LNPEP: variants seen among roughly 807,000 people sequenced by gnomAD.
LNPEP encodes leucyl-cystinyl aminopeptidase.
Under a neutral mutation model 120.6 loss-of-function variants are expected in LNPEP, and 64 were observed. The ratio of observed to expected loss-of-function variants is 0.53; its 90% CI spans 0.43 to 0.65. LNPEP has a LOEUF of 0.65. Among genes scored for constraint, LNPEP ranks in the 30% least tolerant of loss-of-function variants. The pLI, the probability that LNPEP is intolerant of heterozygous loss-of-function variation, is 0.00. For synonymous variants in LNPEP, 435 were observed against 425.4 expected (o/e 1.02, Z -0.28); for missense variants, 1,057 against 1,200.0 (o/e 0.88, Z 1.76).
intron 16 of LNPEP, among the ~76,000 whole-genome samples, chr5:97,027,480 G>A (rs1791372029): frequency 6.6e-6 from 1 of 152,028 alleles, no homozygotes; most frequent in African/African-American, 2.4e-5. Context: ...TGGCATTTCT[G>A]GGTGTACAGT....
chr5:96,947,691 C>A (rs926447114), intron 1 of LNPEP, among the ~76,000 whole-genome samples: 3 of 151,862 alleles, frequency 2.0e-5, no homozygotes, highest in Admixed American at 2.0e-4. Context: ...AGTAGAACTC[C>A]GTGGTTATTA....
rs375767683 is a variant in LNPEP, at chr5:97,026,699, C to T, written c.2806C>T (p.Pro936Ser). Reference protein sequence around the residue: ...FIIRTVGRHFPGHLLAWDFVK... With the variant: ...FIIRTVGRHFSGHLLAWDFVK... Reference sequence around the variant, plus strand: ...CATTAGAACAGTGGGTCGACATTTTCCTGGACACTTACTGGCATGGGATTT... The same window carrying T: ...CATTAGAACAGTGGGTCGACATTTTTCTGGACACTTACTGGCATGGGATTT... Residue 936 changes from proline (P) to serine (S), a missense_variant, in exon 16 of 18, where the codon CCT (proline) becomes TCT (serine). Physicochemically the swap from Pro to Ser is moderately conservative, Grantham distance 74. Transcript: ENST00000231368. 8.7e-6 allele frequency: 14 copies of T among 1,613,158 alleles called. No individual in the cohort carries two copies. The African/African-American group carries it at 1.9e-4, about 22-fold the overall frequency.
chr5:97,006,300 T>C, intron 10 of LNPEP, 67 bp downstream of exon 10: 1 of 1,422,370 alleles, frequency 7.0e-7, no homozygotes, highest in East Asian at 2.3e-5. Flanking sequence ...TTTAAGTGTT[T>C]TATAATCATA....
intron 1 of LNPEP, among the ~76,000 whole-genome samples, chr5:96,948,397 C>T (rs558753919): frequency 4.3e-4 from 65 of 152,334 alleles, no homozygotes; most frequent in African/African-American, 1.3e-3. Context: ...GGATTACAGG[C>T]GTGAGCCACC....
rs538138802 is a variant in LNPEP, at chr5:97,025,828, T to G, written c.2724-789T>G. ...GCCTGCTTTATATATAAAAAAAAAC[T>G]AAAGTGTTTTATGGGTTCATAATAT... is the stretch of plus-strand genomic sequence containing the variant. On this transcript the variant is annotated intron_variant, in intron 15 of 17. Transcript: ENST00000231368. Among the ~76,000 whole-genome samples, 855 of 151,694 alleles carry G rather than the reference T, an allele frequency of 5.6e-3. 8 individuals are homozygous for G. The highest frequency in any genetic ancestry group is 0.02 in the African/African-American group (817 of 41,460).
chr5:96,983,843 A>G lies in LNPEP; in HGVS notation c.861-1237A>G, dbSNP rs189585732. Among the ~76,000 whole-genome samples, 130 of 152,306 alleles carry G rather than the reference A, an allele frequency of 8.5e-4. 1 individual carries two copies. The highest frequency in any genetic ancestry group is 1.5e-3 in the Non-Finnish European group (105 of 68,034). On this transcript the variant is annotated intron_variant, in intron 2 of 17. Coordinates refer to ENST00000231368, the MANE Select transcript of LNPEP (RefSeq NM_005575.3). Reference sequence around the variant, plus strand: ...TTTTAATCTCTGAGGCGAGTAAAGGAAACCAGAATACTACAGGACACCTAA... The same window carrying G: ...TTTTAATCTCTGAGGCGAGTAAAGGGAACCAGAATACTACAGGACACCTAA...
chr5:97,000,124 G>A (rs987875957), intron 8 of LNPEP, among the ~76,000 whole-genome samples: 3 of 152,144 alleles, frequency 2.0e-5, no homozygotes, highest in Non-Finnish European at 4.4e-5. Flanking sequence ...GAATGAATAA[G>A]TAGGTATTGT....
At chr5:97,011,006 C>A (rs1005646466) in intron 11 of LNPEP, 2 of 985,340 alleles carry the variant, frequency 2.0e-6, no homozygotes, top group Admixed American at 1.2e-4. Context: ...GTAATAATTT[C>A]AAGTATATTC....
At chr5:96,953,231 T>C (rs1390125041) in intron 1 of LNPEP, among the ~76,000 whole-genome samples, 1 of 152,178 alleles carries the variant, frequency 6.6e-6, no homozygotes, top group Non-Finnish European at 1.5e-5. Context: ...ACACACTGAT[T>C]TTCATCCAGG....
At position 97,014,925 on chromosome 5, in the gene LNPEP, CT is replaced by C; in HGVS notation, c.2220-10del. On this transcript the variant is annotated splice_polypyrimidine_tract_variant and intron_variant, in intron 12 of 17. Coordinates refer to ENST00000231368, the MANE Select transcript of LNPEP (RefSeq NM_005575.3). ...TCTCTGCATATTTACTTTTCCTGTT[CT>C]TTTATCCTTTAGCCTAGGCAAGGTA... 1 of 1,506,540 alleles carries C rather than the reference CT, an allele frequency of 6.6e-7. No individual in the cohort carries two copies. The allele number at this position is 1,506,540 out of a possible 1,614,324, so 93.3% of individuals were successfully genotyped here.
chr5:96,945,834 T>C (rs1789174078), intron 1 of LNPEP, among the ~76,000 whole-genome samples: 1 of 152,204 alleles, frequency 6.6e-6, no homozygotes, highest in African/African-American at 2.4e-5. Context: ...ACAAAATCAT[T>C]CCAAGATCCT....
At chr5:96,937,064 G>A (rs1788918315) in intron 1 of LNPEP, 1 of 152,216 alleles carries the variant, frequency 6.6e-6, no homozygotes, top group Non-Finnish European at 1.5e-5. Context: ...TCCCTTTTAA[G>A]ATAGAAAGTA....
chr5:96,997,477 G>A (rs569501284), intron 7 of LNPEP, among the ~76,000 whole-genome samples: 116 of 152,166 alleles, frequency 7.6e-4, no homozygotes, highest in South Asian at 4.1e-3. Flanking sequence ...GTGTAAAAAG[G>A]TCTAATACAT....
intron 1 of LNPEP, among the ~76,000 whole-genome samples, chr5:96,974,550 G>A (rs1789943663): frequency 2.0e-5 from 3 of 152,022 alleles, no homozygotes; most frequent in Admixed American, 2.0e-4. Context: ...ACAGACAAAT[G>A]AAAAACAAAA....
intron 13 of LNPEP, among the ~76,000 whole-genome samples, chr5:97,016,696 T>C (rs1271103580): frequency 6.6e-6 from 1 of 152,194 alleles, no homozygotes; most frequent in Non-Finnish European, 1.5e-5. Flanking sequence ...CACATCTAGT[T>C]GTTCTCCTAA....
At chr5:96,941,864 G>A (rs554512106) in intron 1 of LNPEP, among the ~76,000 whole-genome samples, 1 of 152,332 alleles carries the variant, frequency 6.6e-6, no homozygotes, top group African/African-American at 2.4e-5. Context: ...TGTGGAGATT[G>A]GGGGTAAAGG....
intron 1 of LNPEP, among the ~76,000 whole-genome samples, chr5:96,959,925 A>G (rs918302781): frequency 1.3e-5 from 2 of 151,302 alleles, no homozygotes. Flanking sequence ...ACTACTTTTA[A>G]AATTTATCTT....
chr5:96,939,019 T>C (rs962915425), intron 1 of LNPEP, among the ~76,000 whole-genome samples: 28 of 152,088 alleles, frequency 1.8e-4, no homozygotes, highest in Non-Finnish European at 3.2e-4. Context: ...ACTATCTGCT[T>C]TTTTGGTTAG....
chr5:96,951,203 C>T (rs1235592311), intron 1 of LNPEP, among the ~76,000 whole-genome samples: 2 of 149,290 alleles, frequency 1.3e-5, no homozygotes, highest in Non-Finnish European at 3.0e-5. Context: ...TAATTACCAT[C>T]TTAAAAGCCC....
Sources: allele counts gnomAD v4.1 joint callset (sites outside exome capture counted in the v4.1 genomes callset), GRCh38; gene constraint gnomAD v4.1.1; transcripts MANE v1.5; gene names NCBI Gene and HGNC (gene_info 2026-07-23, HGNC 2026-07-21).